PATJ: variants seen among roughly 807,000 people sequenced by gnomAD.
PATJ encodes the protein PATJ crumbs cell polarity complex component, also known as inaD-like protein.
PATJ carries 190 observed loss-of-function variants against 224.9 expected under a neutral mutation model. The ratio of observed to expected loss-of-function variants is 0.84; its 90% CI spans 0.75 to 0.95. PATJ has a LOEUF of 0.95. Ranked by LOEUF, PATJ falls within the 40% of genes least tolerant of loss-of-function variation. The probability of loss-of-function intolerance (pLI) is 0.00; values close to 1 mark genes in which losing one functional copy is unlikely to be tolerated. For missense variants in PATJ, 2,121 were observed against 2,270.3 expected (o/e 0.93, Z 1.34); for synonymous variants, 769 against 820.3 (o/e 0.94, Z 1.07).
At chr1:61,896,438 C>A (rs1326180674) in intron 22 of PATJ, among the ~76,000 whole-genome samples, 1 of 152,094 alleles carries the variant, frequency 6.6e-6, no homozygotes, top group Non-Finnish European at 1.5e-5. Context: ...CCCATTGTAT[C>A]TTGGGAATAA....
chr1:61,869,884 T>C (rs1666061588), intron 20 of PATJ, among the ~76,000 whole-genome samples: 3 of 152,214 alleles, frequency 2.0e-5, no homozygotes, highest in Non-Finnish European at 2.9e-5. Flanking sequence ...CGCTTTTGGG[T>C]ACTGGCAGGA....
At chr1:61,928,088 G>T (rs1039778394) in intron 27 of PATJ, among the ~76,000 whole-genome samples, 5 of 152,170 alleles carry the variant, frequency 3.3e-5, no homozygotes, top group East Asian at 1.9e-4. Flanking sequence ...TTATTGTTTG[G>T]TTGTGAATAC....
At chr1:61,975,329 G>T in intron 27 of PATJ, among the ~76,000 whole-genome samples, 1 of 152,012 alleles carries the variant, frequency 6.6e-6, no homozygotes, top group East Asian at 1.9e-4. Flanking sequence ...GTGATTGAAA[G>T]ATCTCAAATC....
chr1:62,041,693 G>A (rs1156749982), intron 30 of PATJ, among the ~76,000 whole-genome samples: 1 of 152,212 alleles, frequency 6.6e-6, no homozygotes, highest in Non-Finnish European at 1.5e-5. Context: ...TTTAAAACAA[G>A]CAGGCTAGTA....
chr1:61,938,428 G>T (rs892725316), intron 27 of PATJ, among the ~76,000 whole-genome samples: 1 of 152,076 alleles, frequency 6.6e-6, no homozygotes, highest in African/African-American at 2.4e-5. Flanking sequence ...TATCTATCTG[G>T]TATTATGCTT....
At chr1:62,040,862 C>T (rs1261398698) in intron 30 of PATJ, among the ~76,000 whole-genome samples, 2 of 152,056 alleles carry the variant, frequency 1.3e-5, no homozygotes, top group Non-Finnish European at 1.5e-5. Flanking sequence ...TTCTTCAACC[C>T]TCATAGGTTC....
chr1:62,116,784 T>C (rs1664490285), intron 36 of PATJ, 105 bp downstream of exon 36: 5 of 1,020,184 alleles, frequency 4.9e-6, no homozygotes, highest in Non-Finnish European at 7.0e-6. Flanking sequence ...ATACTAACTC[T>C]AGTTTTTACT....
intron 15 of PATJ, among the ~76,000 whole-genome samples, chr1:61,824,848 T>C (rs1657957253): frequency 6.6e-6 from 1 of 152,166 alleles, no homozygotes; most frequent in Non-Finnish European, 1.5e-5. Context: ...ATCCCAGCCA[T>C]CAGCTGAATT....
At chr1:61,948,929 C>T (rs1679185122) in intron 27 of PATJ, among the ~76,000 whole-genome samples, 1 of 152,008 alleles carries the variant, frequency 6.6e-6, no homozygotes, top group Admixed American at 6.6e-5. Flanking sequence ...ATGGATGAAG[C>T]TGGAAACCAT....
chr1:61,815,576 G>A (rs1655937828), intron 14 of PATJ, among the ~76,000 whole-genome samples: 1 of 152,092 alleles, frequency 6.6e-6, no homozygotes, highest in African/African-American at 2.4e-5. Flanking sequence ...TACATGACTG[G>A]GCGGGGTGGT....
chr1:61,754,525 T>G (rs1008277746), intron 1 of PATJ, among the ~76,000 whole-genome samples: 3 of 144,812 alleles, frequency 2.1e-5, no homozygotes, highest in Non-Finnish European at 4.5e-5. Context: ...TGCATGTTTT[T>G]TTTTTTTTTT....
intron 17 of PATJ, among the ~76,000 whole-genome samples, chr1:61,841,049 T>TTATA (rs1169421995): frequency 6.6e-6 from 1 of 152,122 alleles, no homozygotes; most frequent in African/African-American, 2.4e-5. Context: ...TGTTTCAACT[T>TTATA]TATATATGGC....
intron 27 of PATJ, among the ~76,000 whole-genome samples, chr1:61,987,200 T>C (rs897353828): frequency 1.3e-5 from 2 of 152,260 alleles, no homozygotes; most frequent in South Asian, 4.1e-4. Context: ...TTTATTGCAC[T>C]ATATTTCAAG....
At chr1:61,906,978 A>G (rs1025533450) in intron 24 of PATJ, among the ~76,000 whole-genome samples, 1 of 152,110 alleles carries the variant, frequency 6.6e-6, no homozygotes, top group Non-Finnish European at 1.5e-5. Context: ...GTGGGAGGTA[A>G]TTGAATCATG....
intron 1 of PATJ, among the ~76,000 whole-genome samples, chr1:61,757,080 C>CTTTTTTT (rs55788991): frequency 4.3e-4 from 55 of 129,042 alleles, no homozygotes; most frequent in Non-Finnish European, 5.1e-4. Context: ...GTCACTTTTA[C>CTTTTTTT]TTTTTTTTTT....
intron 12 of PATJ, 32 bp downstream of exon 12, chr1:61,801,801 G>T: frequency 6.9e-7 from 1 of 1,440,980 alleles, no homozygotes; most frequent in South Asian, 1.7e-5. Context: ...TGCGATAACA[G>T]ACTTCTTCAT....
chr1:62,083,076 A>G (rs889224534), intron 32 of PATJ, among the ~76,000 whole-genome samples: 2 of 152,224 alleles, frequency 1.3e-5, no homozygotes, highest in Non-Finnish European at 2.9e-5. Context: ...AACATTTTAT[A>G]TGAGCATCTC....
chr1:61,787,431 G>A (rs1411139829), intron 7 of PATJ, among the ~76,000 whole-genome samples: 5 of 152,114 alleles, frequency 3.3e-5, no homozygotes, highest in Non-Finnish European at 5.9e-5. Context: ...CCTTCTTGAG[G>A]CCCTGGCCTT....
chr1:61,867,369 C>A (rs745989847), intron 20 of PATJ, among the ~76,000 whole-genome samples: 1 of 152,144 alleles, frequency 6.6e-6, no homozygotes, highest in Non-Finnish European at 1.5e-5. Context: ...CTTTTTATTT[C>A]TCATTACTGA....
Sources: allele counts gnomAD v4.1 joint callset (sites outside exome capture counted in the v4.1 genomes callset), GRCh38; gene constraint gnomAD v4.1.1; transcripts MANE v1.5; gene names NCBI Gene and HGNC (gene_info 2026-07-23, HGNC 2026-07-21).